RAPGEF5: variants seen among roughly 807,000 people sequenced by gnomAD.
The protein encoded by RAPGEF5 is Rap guanine nucleotide exchange factor 5.
A neutral mutation model predicts 125.2 loss-of-function variants in RAPGEF5; 65 were observed. The observed-to-expected ratio is 0.52, with a 90% CI of 0.43 to 0.64. The LOEUF (loss-of-function observed/expected upper bound fraction) is 0.64, where lower values mean the gene tolerates loss of function less well. RAPGEF5 is among the 30% of genes least tolerant of loss of function. The pLI, the probability that RAPGEF5 is intolerant of heterozygous loss-of-function variation, is 0.00. For synonymous variants in RAPGEF5, 391 were observed against 385.9 expected (o/e 1.01, Z -0.16); for missense variants, 958 against 1,048.1 (o/e 0.91, Z 1.19).
Position 22,357,030 on chromosome 7 carries a change from G to A in RAPGEF5, c.31C>T (p.Gln11Ter). 9.7e-7 allele frequency: 1 copy of A among 1,031,050 alleles called. No individual in the cohort carries two copies. Among genetic ancestry groups the A allele is most frequent in the Non-Finnish European group, 1.2e-6 (1 of 861,382 alleles). The allele number at this position is 1,031,050 out of a possible 1,614,324, so 63.9% of individuals were successfully genotyped here. Residue 11 changes from glutamine (Q) to a stop codon, truncating the protein, a stop_gained, in exon 1 of 26, where the codon CAG becomes TAG. Transcript: ENST00000665637. LOFTEE classifies it high-confidence loss of function. ...AGGGCCGGGCTCTCGCACGGCGGCT[G>A]CATCTTGACGGAGCCCACGGCCATC... MRMAVGSVKM[Q>*]PPCESPALAA...
chr7:22,193,797 A>C (rs750528900), intron 10 of RAPGEF5, 118 bp downstream of exon 10: 51 of 1,608,036 alleles, frequency 3.2e-5, no homozygotes, highest in Non-Finnish European at 4.1e-5. Flanking sequence ...CGGAGAGAAA[A>C]GAGAGGGAGG....
intron 7 of RAPGEF5, among the ~76,000 whole-genome samples, chr7:22,263,302 T>G (rs1177723607): frequency 6.6e-6 from 1 of 152,244 alleles, no homozygotes; most frequent in East Asian, 1.9e-4. Context: ...TAAAAGATAC[T>G]CTGGATCTGT....
intron 9 of RAPGEF5, among the ~76,000 whole-genome samples, chr7:22,205,705 G>A (rs1204050187): frequency 1.3e-5 from 2 of 152,206 alleles, no homozygotes; most frequent in Non-Finnish European, 2.9e-5. Context: ...AAGGCAGTAA[G>A]AGCTAGCATT....
chr7:22,158,929 T>C (rs767911681), intron 14 of RAPGEF5, among the ~76,000 whole-genome samples: 52 of 152,234 alleles, frequency 3.4e-4, no homozygotes, highest in Non-Finnish European at 6.2e-4. Context: ...TCACTGTGCC[T>C]GCCAAGAATC....
At chr7:22,249,810 C>A (rs1323539705) in intron 7 of RAPGEF5, among the ~76,000 whole-genome samples, 1 of 152,148 alleles carries the variant, frequency 6.6e-6, no homozygotes. Flanking sequence ...ATGTGATTGT[C>A]AAAGTCTGGC....
chr7:22,352,203 T>A (rs569743645), intron 1 of RAPGEF5, among the ~76,000 whole-genome samples: 28 of 152,180 alleles, frequency 1.8e-4, no homozygotes, highest in African/African-American at 6.3e-4. Context: ...CCAAAATAAG[T>A]CAGTCCCAGC....
At chr7:22,168,502 T>C (rs1005878427) in intron 11 of RAPGEF5, among the ~76,000 whole-genome samples, 1 of 151,856 alleles carries the variant, frequency 6.6e-6, no homozygotes, top group Non-Finnish European at 1.5e-5. Context: ...CAATAGTGCT[T>C]ATGGTCTCCA....
rs2128132543 is a variant in RAPGEF5, at chr7:22,219,908, C to T, written c.954G>A (p.Gln318=). 1 of 1,613,382 alleles carries T rather than the reference C, an allele frequency of 6.2e-7. No individual in the cohort carries two copies. The highest frequency in any genetic ancestry group is 1.1e-5 in the South Asian group (1 of 91,012). The part of the protein sequence containing the change: ...LVQKLAKENY[Q]FLQTDKKEQE... ...GTTCTTTTTTGTCCGTCTGCAAAAACTGATAGTTTTCTTTTGCCAGCTTCT... is the reference window on the plus strand; with the variant it reads ...GTTCTTTTTTGTCCGTCTGCAAAAATTGATAGTTTTCTTTTGCCAGCTTCT... Residue 318 remains glutamine, a synonymous_variant, in exon 9 of 26, where the codon CAG becomes CAA. Coordinates refer to ENST00000665637, the MANE Select transcript of RAPGEF5 (RefSeq NM_012294.5).
intron 9 of RAPGEF5, among the ~76,000 whole-genome samples, chr7:22,197,893 T>TTGGGG (rs139871450): frequency 5.2e-5 from 6 of 116,294 alleles, no homozygotes; most frequent in Admixed American, 8.6e-5. Flanking sequence ...TCTTTTTTTT[T>TTGGGG]GGGGGGGGGT....
At chr7:22,289,926 G>T (rs1303655335) in intron 6 of RAPGEF5, among the ~76,000 whole-genome samples, 1 of 152,110 alleles carries the variant, frequency 6.6e-6, no homozygotes, top group African/African-American at 2.4e-5. Flanking sequence ...AGACGTACCT[G>T]GTTCCCCTTC....
At chr7:22,341,954 CACTAGGTG>C (rs1177359080) in intron 1 of RAPGEF5, among the ~76,000 whole-genome samples, 1 of 152,198 alleles carries the variant, frequency 6.6e-6, no homozygotes, top group Non-Finnish European at 1.5e-5. Flanking sequence ...CTCACAGCTC[CACTAGGTG>C]GTAGAGAGCT....
At chr7:22,209,742 G>A (rs1007957906) in intron 9 of RAPGEF5, among the ~76,000 whole-genome samples, 5 of 152,032 alleles carry the variant, frequency 3.3e-5, no homozygotes, top group African/African-American at 1.2e-4. Context: ...TTAGGGCAAG[G>A]GTCACGTCGA....
At chr7:22,296,990 C>T (rs997262368) in intron 5 of RAPGEF5, among the ~76,000 whole-genome samples, 6 of 152,136 alleles carry the variant, frequency 3.9e-5, no homozygotes, top group Non-Finnish European at 7.3e-5. Flanking sequence ...GACAAGGTTG[C>T]CTTCAGTGGA....
chr7:22,154,751 T>TA, intron 16 of RAPGEF5, 147 bp from the exon 17 acceptor site: 1 of 773,184 alleles, frequency 1.3e-6, no homozygotes, highest in Non-Finnish European at 1.9e-6. Flanking sequence ...TTAGATTTTT[T>TA]ATATATGTAC....
At chr7:22,319,824 G>T (rs959332278) in intron 1 of RAPGEF5, among the ~76,000 whole-genome samples, 2 of 150,512 alleles carry the variant, frequency 1.3e-5, no homozygotes, top group African/African-American at 4.9e-5. Flanking sequence ...TCTAGTTAAA[G>T]AAAAAGCTTT....
At chr7:22,301,107 G>A (rs1197097497) in intron 5 of RAPGEF5, among the ~76,000 whole-genome samples, 1 of 152,078 alleles carries the variant, frequency 6.6e-6, no homozygotes, top group Admixed American at 6.6e-5. Context: ...ACTTTTGAGG[G>A]GCCTCGGGTA....
chr7:22,126,304 C>G (rs1782743631), intron 24 of RAPGEF5, among the ~76,000 whole-genome samples: 1 of 152,210 alleles, frequency 6.6e-6, no homozygotes, highest in Non-Finnish European at 1.5e-5. Context: ...TGTGTCACCT[C>G]CTCTCCATGA....
intron 1 of RAPGEF5, among the ~76,000 whole-genome samples, chr7:22,349,296 T>G (rs1013947250): frequency 6.6e-6 from 1 of 151,494 alleles, no homozygotes; most frequent in Non-Finnish European, 1.5e-5. Context: ...TGGTAGTGGA[T>G]GCCTGTAATC....
At chr7:22,131,354 T>A (rs1782910455) in intron 23 of RAPGEF5, among the ~76,000 whole-genome samples, 1 of 152,210 alleles carries the variant, frequency 6.6e-6, no homozygotes, top group African/African-American at 2.4e-5. Flanking sequence ...GCACTCATAA[T>A]GAAATGTTTG....
Sources: allele counts gnomAD v4.1 joint callset (sites outside exome capture counted in the v4.1 genomes callset), GRCh38; gene constraint gnomAD v4.1.1; transcripts MANE v1.5; gene names NCBI Gene and HGNC (gene_info 2026-07-23, HGNC 2026-07-21).